Variants in ZFHX4 observed in about 807,000 individuals in gnomAD.
The protein encoded by ZFHX4 is zinc finger homeobox 4, also known as zinc finger homeobox protein 4.
A neutral mutation model predicts 267.6 loss-of-function variants in ZFHX4; 56 were observed. The ratio of observed to expected loss-of-function variants is 0.21; its 90% CI spans 0.17 to 0.26. ZFHX4 has a LOEUF of 0.26. ZFHX4 is among the 10% of genes least tolerant of loss of function. The probability of loss-of-function intolerance (pLI) is 1.00; values close to 1 mark genes in which losing one functional copy is unlikely to be tolerated. For synonymous variants in ZFHX4, 1,778 were observed against 1,665.6 expected, an observed-to-expected ratio of 1.07 and a Z score of -1.64; for missense variants, 4,332 against 4,420.0, an observed-to-expected ratio of 0.98 and a Z score of 0.56.
At chr8:76,708,797 C>T (rs1261593028) in intron 3 of ZFHX4, among the ~76,000 whole-genome samples, 1 of 151,890 alleles carries the variant, frequency 6.6e-6, no homozygotes, top group African/African-American at 2.4e-5. Context: ...ACCCTAATTA[C>T]TGATTAATAT....
At chr8:76,778,155 T>C (rs1288825894) in intron 3 of ZFHX4, 53 bp from the exon 4 acceptor site, 3 of 1,227,746 alleles carry the variant, frequency 2.4e-6, no homozygotes, top group South Asian at 2.4e-5. Flanking sequence ...ACCTGTTTTG[T>C]TATCCACCAT....
In ZFHX4 at chr8:76,867,089, T is replaced by C. The variant is rs1026428765; in HGVS notation, c.*2524T>C. ...GTCTCATTAGTTTTTGTTACTGTAA[T>C]GTTTGAAGTCTCAAATGCACCGTAT... On this transcript the variant is annotated 3_prime_UTR_variant, in exon 11 of 11. Coordinates refer to ENST00000651372, the MANE Select transcript of ZFHX4 (RefSeq NM_024721.5). 2.6e-5 allele frequency: 4 copies of C among 152,654 alleles called. No homozygotes were observed. Among genetic ancestry groups the C allele is most frequent in the Non-Finnish European group, 5.9e-5 (4 of 68,028 alleles). 9.5% of individuals were successfully genotyped at this position (152,654 alleles called of 1,614,324 possible). A position where few individuals can be genotyped will look rare whatever the true frequency, so the allele number is the denominator to read the frequency against.
chr8:76,682,374 A>T (rs1008623964), intron 1 of ZFHX4, among the ~76,000 whole-genome samples: 32 of 150,932 alleles, frequency 2.1e-4, no homozygotes, highest in South Asian at 8.4e-4. Flanking sequence ...AGCTCTGGGG[A>T]GGGGATTCCA....
At chr8:76,694,371 A>C (rs1344951530) in intron 1 of ZFHX4, among the ~76,000 whole-genome samples, 3 of 152,172 alleles carry the variant, frequency 2.0e-5, no homozygotes, top group Non-Finnish European at 2.9e-5. Context: ...GAATGTAAAG[A>C]GATTTAGTAA....
intron 4 of ZFHX4, among the ~76,000 whole-genome samples, chr8:76,807,040 A>G (rs951543821): frequency 1.3e-5 from 2 of 152,136 alleles, no homozygotes; most frequent in African/African-American, 4.8e-5. Context: ...AATTAGCATG[A>G]TCATCTGATT....
chr8:76,696,670 A>G (rs1363792605), intron 1 of ZFHX4, among the ~76,000 whole-genome samples: 2 of 151,672 alleles, frequency 1.3e-5, no homozygotes, highest in African/African-American at 4.8e-5. Context: ...AAAATCCCCA[A>G]ACAAAAGGCT....
At chr8:76,718,752 C>A (rs972259353) in intron 3 of ZFHX4, among the ~76,000 whole-genome samples, 2 of 151,950 alleles carry the variant, frequency 1.3e-5, no homozygotes, top group African/African-American at 4.8e-5. Flanking sequence ...TCCTGATTAT[C>A]CTATTGCTCA....
chr8:76,744,268 C>T (rs1809397887), intron 3 of ZFHX4, among the ~76,000 whole-genome samples: 1 of 151,842 alleles, frequency 6.6e-6, no homozygotes, highest in African/African-American at 2.4e-5. Context: ...ATCGCTTGAA[C>T]CCAGGAGGCG....
chr8:76,753,237 C>G (rs748502609), intron 3 of ZFHX4, among the ~76,000 whole-genome samples: 74 of 152,094 alleles, frequency 4.9e-4, no homozygotes, highest in Non-Finnish European at 7.9e-4. Context: ...TCAGCCTTTA[C>G]TGATTTACAT....
At chr8:76,764,307 A>G (rs1809996154) in intron 3 of ZFHX4, among the ~76,000 whole-genome samples, 1 of 152,158 alleles carries the variant, frequency 6.6e-6, no homozygotes, top group African/African-American at 2.4e-5. Flanking sequence ...TTAAGATACT[A>G]CTTAAGTTAC....
chr8:76,747,483 T>C (rs1478903457), intron 3 of ZFHX4, among the ~76,000 whole-genome samples: 4 of 152,210 alleles, frequency 2.6e-5, no homozygotes, highest in Non-Finnish European at 5.9e-5. Flanking sequence ...TGTCCACGTG[T>C]TCTCAAGTTA....
Position 76,864,908 on chromosome 8 carries a change from G to A in ZFHX4, c.*343G>A, listed in dbSNP as rs1812989580. The A allele has an allele frequency of 5.9e-6, 1 of 168,352 alleles. No individual in the cohort carries two copies. The highest frequency in any genetic ancestry group is 2.4e-5 in the African/African-American group (1 of 41,916). The allele number at this position is 168,352 out of a possible 1,614,324, so 10.4% of individuals were successfully genotyped here. On this transcript the variant is annotated 3_prime_UTR_variant, in exon 11 of 11. Transcript: ENST00000651372. ...TTCCAAATGCTAGCATGTACTGTAT[G>A]GGAGGATGATCCAGATGTTTCAAAG...
intron 6 of ZFHX4, among the ~76,000 whole-genome samples, chr8:76,843,869 T>G (rs1160629954): frequency 6.6e-6 from 1 of 152,092 alleles, no homozygotes; most frequent in Non-Finnish European, 1.5e-5. Context: ...TTCATTCCCT[T>G]TAAAAATTAT....
In ZFHX4 at chr8:76,849,405, T is replaced by A. The variant is rs1057012352; in HGVS notation, c.3646-107T>A. On this transcript the variant is annotated intron_variant, in intron 7 of 10. Transcript: ENST00000651372. ...TTACCCTGATTTGATTATTACACAT[T>A]GTAAGCATGTACCAAAATATCACAC... is the stretch of plus-strand genomic sequence containing the variant. The A allele has an allele frequency of 2.9e-6, 3 of 1,047,850 alleles. No individual in the cohort carries two copies. The Admixed American group carries it at 5.7e-5, about 20-fold the overall frequency. The allele number at this position is 1,047,850 out of a possible 1,614,324, so 64.9% of individuals were successfully genotyped here.
Position 76,833,423 on chromosome 8 carries a change from C to T in ZFHX4, c.3394+17C>T. On this transcript the variant is annotated intron_variant, in intron 5 of 10. Transcript: ENST00000651372. ...CGACCTCAGGTAATGGTTCCTACTC[C>T]TTCTCAAAATATTTCCTTGTCCTAA... 6.3e-7 allele frequency: 1 copy of T among 1,582,084 alleles called. No individual in the cohort carries two copies. The highest frequency in any genetic ancestry group is 1.8e-5 in the Admixed American group (1 of 57,002).
chr8:76,754,946 T>C (rs1809724233), intron 3 of ZFHX4, among the ~76,000 whole-genome samples: 1 of 152,220 alleles, frequency 6.6e-6, no homozygotes, highest in Non-Finnish European at 1.5e-5. Flanking sequence ...ATGCATTTTT[T>C]AACACTCATT....
At chr8:76,692,693 T>C (rs1426828357) in intron 1 of ZFHX4, among the ~76,000 whole-genome samples, 1 of 152,080 alleles carries the variant, frequency 6.6e-6, no homozygotes, top group Non-Finnish European at 1.5e-5. Flanking sequence ...GAAAGTTCTG[T>C]TTTTTTAATC....
chr8:76,695,246 G>C (rs10504634), intron 1 of ZFHX4, among the ~76,000 whole-genome samples: 2 of 152,046 alleles, frequency 1.3e-5, no homozygotes, highest in South Asian at 4.1e-4. Flanking sequence ...TTGTATGCAG[G>C]TTCATCAATT....
At position 76,851,155 on chromosome 8, in the gene ZFHX4, C is replaced by T; in HGVS notation, c.4234C>T (p.Leu1412Phe). ...CTTGGCTTTCAAAACTATGCAGAAG[C>T]TTCAGATACATTCCCAGTATCATGC... ...CSLAFKTMQKLQIHSQYHAIR... is the reference protein window; with the variant it reads ...CSLAFKTMQKFQIHSQYHAIR... The change falls in exon 10 of 11, where the codon CTT (leucine) becomes TTT (phenylalanine). Residue 1412 changes from leucine to phenylalanine, a missense_variant. Coordinates refer to ENST00000651372, the MANE Select transcript of ZFHX4 (RefSeq NM_024721.5). 1 of 1,613,970 alleles carries T rather than the reference C, an allele frequency of 6.2e-7. No individual in the cohort carries two copies. Among genetic ancestry groups the T allele is most frequent in the South Asian group, 1.1e-5 (1 of 91,080 alleles).
Sources: gnomAD v4.1 joint callset for allele counts (sites outside exome capture counted in the v4.1 genomes callset) on GRCh38, gnomAD v4.1.1 for gene constraint, MANE v1.5 for transcripts, NCBI Gene and HGNC (gene_info 2026-07-23, HGNC 2026-07-21) for gene names.